DST: variants seen among roughly 807,000 people sequenced by gnomAD.
DST encodes the protein bullous pemphigoid antigen.
In DST, 253 loss-of-function variants were observed where a neutral mutation model predicts 875.2. The ratio of observed to expected loss-of-function variants is 0.29; its 90% CI spans 0.26 to 0.32. The LOEUF (loss-of-function observed/expected upper bound fraction) is 0.32. Ranked by LOEUF, DST falls within the 10% of genes least tolerant of loss-of-function variation. DST has a pLI of 1.00. For synonymous variants in DST, 3,124 were observed against 3,197.1 expected, an observed-to-expected ratio of 0.98 and a Z score of 0.77; for missense variants, 8,287 against 9,111.6, an observed-to-expected ratio of 0.91 and a Z score of 3.68.
chr6:56,475,921 G>GT (rs2095165604), intron 92 of DST, among the ~76,000 whole-genome samples: 1 of 152,164 alleles, frequency 6.6e-6, no homozygotes, highest in South Asian at 2.1e-4. Flanking sequence ...TACCACGAGT[G>GT]TAACCCCACA....
At chr6:56,647,242 C>T (rs1286038660) in intron 13 of DST, among the ~76,000 whole-genome samples, 1 of 152,236 alleles carries the variant, frequency 6.6e-6, no homozygotes, top group Non-Finnish European at 1.5e-5. Context: ...CTCCTGTGTG[C>T]TAAACACTGT....
chr6:56,908,713 C>T (rs941267403), intron 2 of DST, among the ~76,000 whole-genome samples: 1 of 152,118 alleles, frequency 6.6e-6, no homozygotes, highest in Non-Finnish European at 1.5e-5. Context: ...GCACAAGATA[C>T]GGGTCGTAAA....
At chr6:56,737,312 T>C (rs2099529012) in intron 4 of DST, among the ~76,000 whole-genome samples, 1 of 152,184 alleles carries the variant, frequency 6.6e-6, no homozygotes, top group Admixed American at 6.5e-5. Context: ...ATTGCCAAGA[T>C]TTTATTTTTT....
chr6:56,852,238 A>C (rs1443666416), intron 3 of DST, among the ~76,000 whole-genome samples: 1 of 152,214 alleles, frequency 6.6e-6, no homozygotes, highest in Admixed American at 6.5e-5. Context: ...TTTTCTTAAG[A>C]CTGGGAGAAC....
intron 71 of DST, among the ~76,000 whole-genome samples, chr6:56,516,511 G>A (rs894039106): frequency 2.0e-5 from 3 of 152,144 alleles, no homozygotes; most frequent in Non-Finnish European, 4.4e-5. Flanking sequence ...TTTATCTGTG[G>A]TCTACCTTAA....
At chr6:56,528,602 T>G (rs1047562429) in intron 67 of DST, among the ~76,000 whole-genome samples, 2 of 152,222 alleles carry the variant, frequency 1.3e-5, no homozygotes, top group Non-Finnish European at 2.9e-5. Context: ...TGTGCCAAAG[T>G]GCTTTATGTT....
At chr6:56,655,509 C>T (rs1276572727) in intron 10 of DST, among the ~76,000 whole-genome samples, 1 of 152,116 alleles carries the variant, frequency 6.6e-6, no homozygotes, top group Non-Finnish European at 1.5e-5. Context: ...AATTCAGAGT[C>T]TGCTGGTTGT....
At chr6:56,627,409 C>G in intron 33 of DST, 122 bp from the exon 34 acceptor site, 2 of 769,918 alleles carry the variant, frequency 2.6e-6, no homozygotes, top group Admixed American at 3.6e-5. Context: ...GCCCTTTGCA[C>G]TTAATACACA....
rs1481066694 is a variant in DST, at chr6:56,500,487, G to A, written c.19896+593C>T. On this transcript the variant is annotated intron_variant, in intron 80 of 103. Transcript: ENST00000680361. ...AGGACATATAACAACTTTTTAAAAC[G>A]TAATAAATACTTTAAAAAATCCAGA... 2.6e-5 allele frequency among the ~76,000 whole-genome samples: 4 copies of A among 152,060 alleles called. No homozygotes were observed. The South Asian group carries it at 6.2e-4, about 24-fold the overall frequency.
At chr6:56,636,255 TACACACACACACAAACAC>T (rs1427028080) in intron 23 of DST, among the ~76,000 whole-genome samples, 1 of 147,782 alleles carries the variant, frequency 6.8e-6, no homozygotes, top group Admixed American at 6.7e-5. Flanking sequence ...TATATATATA[TACACACACACACAAACAC>T]ACACACACAC....
At position 56,512,682 on chromosome 6, in the gene DST, A is replaced by G. The variant is rs114494561; in HGVS notation, c.18577-1282T>C. Among the ~76,000 whole-genome samples the G allele has an allele frequency of 8.9e-3, 1,360 of 152,312 alleles. 21 individuals are homozygous for G. The highest frequency in any genetic ancestry group is 0.032 in the African/African-American group (1,310 of 41,566). On this transcript the variant is annotated intron_variant, in intron 72 of 103. Transcript: ENST00000680361. Reference sequence around the variant, plus strand: ...GGCCACATACCTAGATTTTTATTGAAAGTGTCTACTAAAATCAATTATGAG... The same window carrying G: ...GGCCACATACCTAGATTTTTATTGAGAGTGTCTACTAAAATCAATTATGAG...
chr6:56,903,929 T>C (rs1795232607), intron 2 of DST, among the ~76,000 whole-genome samples: 1 of 152,250 alleles, frequency 6.6e-6, no homozygotes, highest in African/African-American at 2.4e-5. Context: ...CTACACAGAC[T>C]CTGCAGCCAC....
At chr6:56,832,892 AC>A in intron 4 of DST, among the ~76,000 whole-genome samples, 1 of 152,270 alleles carries the variant, frequency 6.6e-6, no homozygotes, top group African/African-American at 2.4e-5. Flanking sequence ...GGTGTCCACC[AC>A]CACATCCAGC....
At position 56,486,299 on chromosome 6, in the gene DST, C is replaced by G. The variant is rs186693168; in HGVS notation, c.21047+805G>C. ...AATGGCGTGAACCCGGGAGGCAGAGCTCGCAGTGAGCCGAGATCCCGCCAC... is the reference window on the plus strand; with the variant it reads ...AATGGCGTGAACCCGGGAGGCAGAGGTCGCAGTGAGCCGAGATCCCGCCAC... On this transcript the variant is annotated intron_variant, in intron 87 of 103. Transcript: ENST00000680361. Among the ~76,000 whole-genome samples, 128 of 144,706 alleles carry G rather than the reference C, an allele frequency of 8.8e-4. No individual in the cohort carries two copies. The East Asian group carries it at 0.015, about 17-fold the overall frequency. The allele number at this position is 144,706 out of a possible 152,430, so 94.9% of individuals were successfully genotyped here.
intron 36 of DST, chr6:56,616,890 C>T (rs1207706551): frequency 6.2e-7 from 1 of 1,613,600 alleles, no homozygotes; most frequent in Non-Finnish European, 8.5e-7. Flanking sequence ...AGAACTGCAT[C>T]TTCAACAGAA....
chr6:56,585,787 A>G (rs951816159), intron 49 of DST, among the ~76,000 whole-genome samples: 1 of 151,574 alleles, frequency 6.6e-6, no homozygotes, highest in Non-Finnish European at 1.5e-5. Context: ...AGATTCTGGT[A>G]TGTTGTGTCT....
chr6:56,515,722 C>T (rs1335291594), intron 71 of DST, 54 bp from the exon 72 acceptor site: 3 of 1,393,076 alleles, frequency 2.2e-6, no homozygotes, highest in Non-Finnish European at 3.0e-6. Flanking sequence ...AGCACACACA[C>T]TCCAGAGTGC....
At chr6:56,919,453 C>G (rs1802952262) in intron 2 of DST, among the ~76,000 whole-genome samples, 1 of 152,108 alleles carries the variant, frequency 6.6e-6, no homozygotes, top group Non-Finnish European at 1.5e-5. Flanking sequence ...ACTTAACTAT[C>G]CTTTCTCCAA....
At chr6:56,867,901 C>T (rs981865395) in intron 3 of DST, among the ~76,000 whole-genome samples, 8 of 151,986 alleles carry the variant, frequency 5.3e-5, no homozygotes, top group Admixed American at 3.9e-4. Flanking sequence ...TATCCTGAAA[C>T]GTCTGCATCT....
Sources: gnomAD v4.1 joint callset for allele counts (sites outside exome capture counted in the v4.1 genomes callset) on GRCh38, gnomAD v4.1.1 for gene constraint, MANE v1.5 for transcripts, NCBI Gene and HGNC (gene_info 2026-07-23, HGNC 2026-07-21) for gene names.